The following NXPE2 variants were observed in gnomAD, a reference collection of about 807,000 sequenced individuals.
The protein encoded by NXPE2 is NXPE family member 2.
A neutral mutation model predicts 34.4 loss-of-function variants in NXPE2; 34 were observed. The observed-to-expected ratio is 0.99, with a 90% CI of 0.75 to 1.31. The LOEUF is 1.31. Among genes scored for constraint, NXPE2 ranks in the 40% most tolerant of loss-of-function variants. The pLI is 0.00. For missense variants in NXPE2, 649 were observed against 672.5 expected, an observed-to-expected ratio of 0.97 and a Z score of 0.39; for synonymous variants, 235 against 231.3, an observed-to-expected ratio of 1.02 and a Z score of -0.15.
chr11:114,803,949 C>A, the NXPE2 span, among the ~76,000 whole-genome samples: 2 of 152,168 alleles, frequency 1.3e-5, no homozygotes, highest in Non-Finnish European at 2.9e-5. Context: ...AATCACCCCC[C>A]AAAGGTCCTC....
the NXPE2 span, among the ~76,000 whole-genome samples, chr11:114,517,451 T>G: frequency 6.6e-6 from 1 of 152,202 alleles, no homozygotes; most frequent in Admixed American, 6.5e-5. Context: ...TGATTCTTCC[T>G]TCTCTCAGTT....
intron 2 of NXPE2, among the ~76,000 whole-genome samples, chr11:114,683,928 C>A (rs1363900002): frequency 1.6e-5 from 1 of 63,180 alleles, no homozygotes; most frequent in Non-Finnish European, 3.9e-5. Context: ...TAGGTTTAAC[C>A]AGGAGTTACA....
At chr11:114,571,500 T>A in the NXPE2 span, 1 of 1,556,468 alleles carries the variant, frequency 6.4e-7, no homozygotes, top group East Asian at 2.3e-5. Context: ...AATCCCAAAA[T>A]AAAAGGAGGA....
At chr11:114,773,301 G>A in the NXPE2 span, among the ~76,000 whole-genome samples, 54,308 of 103,790 alleles carry the variant, frequency 0.52, 13,130 homozygotes, top group East Asian at 0.66. Flanking sequence ...CCCCATTCTG[G>A]GCACTCATAG....
At chr11:114,630,133 G>A in the NXPE2 span, among the ~76,000 whole-genome samples, 1 of 151,696 alleles carries the variant, frequency 6.6e-6, no homozygotes, top group South Asian at 2.1e-4. Context: ...TACCCATCAA[G>A]CTACCAATGA....
At chr11:114,640,273 A>T in the NXPE2 span, among the ~76,000 whole-genome samples, 9 of 143,892 alleles carry the variant, frequency 6.3e-5, no homozygotes, top group Non-Finnish European at 1.4e-4. Context: ...TATATAATAT[A>T]TAATACATTA....
chr11:114,505,994 C>T, the NXPE2 span, among the ~76,000 whole-genome samples: 1 of 151,386 alleles, frequency 6.6e-6, no homozygotes, highest in East Asian at 1.9e-4. Flanking sequence ...CATGCAATGA[C>T]ACACATAGGC....
At chr11:114,510,435 T>C in the NXPE2 span, among the ~76,000 whole-genome samples, 2 of 152,144 alleles carry the variant, frequency 1.3e-5, no homozygotes, top group Non-Finnish European at 2.9e-5. Context: ...GGGTCTCCCT[T>C]TGTTGCCCAA....
At chr11:114,649,568 T>G in the NXPE2 span, among the ~76,000 whole-genome samples, 2 of 152,220 alleles carry the variant, frequency 1.3e-5, no homozygotes, top group Non-Finnish European at 2.9e-5. Flanking sequence ...AGTGGTTGCC[T>G]GGGCAACTAG....
At chr11:114,762,761 A>G in the NXPE2 span, among the ~76,000 whole-genome samples, 26 of 152,108 alleles carry the variant, frequency 1.7e-4, no homozygotes, top group Non-Finnish European at 2.4e-4. Context: ...GTCATTTCCC[A>G]ATATTTGTTT....
At chr11:114,754,621 T>G in the NXPE2 span, among the ~76,000 whole-genome samples, 1 of 152,144 alleles carries the variant, frequency 6.6e-6, no homozygotes, top group South Asian at 2.1e-4. Flanking sequence ...TTAGAGAAGG[T>G]CCCACTCAGA....
chr11:114,589,658 G>A, the NXPE2 span, among the ~76,000 whole-genome samples: 2 of 152,114 alleles, frequency 1.3e-5, no homozygotes, highest in South Asian at 2.1e-4. Flanking sequence ...GGCAACTCAA[G>A]GAAGAATAGG....
chr11:114,520,539 C>T, the NXPE2 span, among the ~76,000 whole-genome samples: 1 of 152,098 alleles, frequency 6.6e-6, no homozygotes, highest in African/African-American at 2.4e-5. Context: ...TGTTGTTTCT[C>T]TGTCTTGGCT....
At chr11:114,694,257 C>T (rs982192992) in intron 2 of NXPE2, among the ~76,000 whole-genome samples, 2 of 152,216 alleles carry the variant, frequency 1.3e-5, no homozygotes, top group African/African-American at 4.8e-5. Context: ...TCTTAATTCC[C>T]TTTTGCCATG....
chr11:114,520,970 T>G, the NXPE2 span, among the ~76,000 whole-genome samples: 668 of 152,370 alleles, frequency 4.4e-3, 4 homozygotes, highest in Non-Finnish European at 5.5e-3. Flanking sequence ...GACAGCCTGC[T>G]ATATCCATAG....
At chr11:114,568,270 T>C in the NXPE2 span, among the ~76,000 whole-genome samples, 2 of 152,304 alleles carry the variant, frequency 1.3e-5, no homozygotes, top group Non-Finnish European at 2.9e-5. Context: ...TGTGTTCCTT[T>C]TAAATATTCT....
chr11:114,632,253 T>A, the NXPE2 span, among the ~76,000 whole-genome samples: 3 of 139,692 alleles, frequency 2.1e-5, no homozygotes, highest in Non-Finnish European at 3.1e-5. Context: ...TATGTGTATA[T>A]ATGTATAATA....
the NXPE2 span, among the ~76,000 whole-genome samples, chr11:114,594,133 C>A: frequency 6.6e-6 from 1 of 152,014 alleles, no homozygotes; most frequent in East Asian, 1.9e-4. Flanking sequence ...AGGGTAACTA[C>A]AATCACCAAT....
At chr11:114,729,842 A>G in the NXPE2 span, among the ~76,000 whole-genome samples, 1 of 152,126 alleles carries the variant, frequency 6.6e-6, no homozygotes, top group Non-Finnish European at 1.5e-5. Flanking sequence ...ATTTTCTACC[A>G]TTCTGTAGGT....
Sources: gnomAD v4.1 joint callset for allele counts (sites outside exome capture counted in the v4.1 genomes callset) on GRCh38, gnomAD v4.1.1 for gene constraint, MANE v1.5 for transcripts, NCBI Gene and HGNC (gene_info 2026-07-23, HGNC 2026-07-21) for gene names.